The following GIN1 variants were observed in gnomAD, a reference collection of about 807,000 sequenced individuals.
The protein encoded by GIN1 is gypsy retrotransposon integrase-like protein 1.
Under a neutral mutation model 51.4 loss-of-function variants are expected in GIN1, and 41 were observed. The observed-to-expected ratio is 0.80, with a 90% confidence interval of 0.62 to 1.04. The LOEUF is 1.04. Ranked by LOEUF, GIN1 falls within the 50% of genes least tolerant of loss-of-function variation. GIN1 has a pLI of 0.00. For synonymous variants in GIN1, 222 were observed against 206.5 expected (o/e 1.07, Z -0.64); for missense variants, 610 against 612.4 (o/e 1.00, Z 0.04).
At chr5:103,095,948 G>A (rs1472077423) in intron 7 of GIN1, among the ~76,000 whole-genome samples, 1 of 152,004 alleles carries the variant, frequency 6.6e-6, no homozygotes, top group Non-Finnish European at 1.5e-5. Context: ...ACAAAACATT[G>A]AGAAAGCAAA....
intron 4 of GIN1, among the ~76,000 whole-genome samples, chr5:103,098,973 T>A (rs1787488686): frequency 6.6e-6 from 1 of 152,126 alleles, no homozygotes; most frequent in Non-Finnish European, 1.5e-5. Context: ...TAAAATAATA[T>A]TTTTTTCCTA....
At position 103,096,701 on chromosome 5, in the gene GIN1, C is replaced by G. The variant is rs1471094665; in HGVS notation, c.1134G>C (p.Trp378Cys). 2 of 1,613,892 alleles carry G rather than the reference C, an allele frequency of 1.2e-6. No individual in the cohort carries two copies. Among genetic ancestry groups the G allele is most frequent in the African/African-American group, 2.7e-5 (2 of 74,908 alleles). The change falls in exon 7 of 8, where the codon TGG (tryptophan) becomes TGC (cysteine). Residue 378 changes from tryptophan to cysteine, a missense_variant. By Grantham distance (215) the Trp-to-Cys change is radical. Coordinates refer to ENST00000399004, the MANE Select transcript of GIN1 (RefSeq NM_017676.2). ...HEVLRQRKNW[W>C]KDGRFQSEWV... is the part of the protein sequence containing the mutation. ...ATTCAGACTGAAAACGACCATCCTT[C>G]CACCAATTTTTCCTTTGTCTTAAAA...
In GIN1 at chr5:103,096,645, G is replaced by A; in HGVS notation, c.1190C>T (p.Thr397Ile). The change falls in exon 7 of 8, where the codon ACA becomes ATA. Residue 397 changes from threonine (T) to isoleucine (I), a missense_variant. By Grantham distance (89) the Thr-to-Ile change is moderately conservative. Transcript: ENST00000399004. Reference protein sequence around the residue: ...WVGPCVIDYITESGCAVLRDN... With the variant: ...WVGPCVIDYIIESGCAVLRDN... ...TCTCAGGACAGCACATCCACTTTCT[G>A]TAATATAGTCTATGACACAAGGACC... is the stretch of plus-strand genomic sequence containing the variant. 1 of 1,613,476 alleles carries A rather than the reference G, an allele frequency of 6.2e-7. No homozygotes were observed. The highest frequency in any genetic ancestry group is 8.5e-7 in the Non-Finnish European group (1 of 1,179,498).
chr5:103,118,578 A>G (rs1788149971), intron 1 of GIN1, among the ~76,000 whole-genome samples: 1 of 152,214 alleles, frequency 6.6e-6, no homozygotes, highest in East Asian at 1.9e-4. Context: ...ATAACAGTCT[A>G]ATGCAGTTCA....
At position 103,097,400 on chromosome 5, in the gene GIN1, C is replaced by T; in HGVS notation, c.922G>A (p.Asp308Asn). The T allele has an allele frequency of 6.4e-7, 1 of 1,572,162 alleles. No homozygotes were observed. The highest frequency in any genetic ancestry group is 8.8e-7 in the Non-Finnish European group (1 of 1,142,222). The change falls in exon 6 of 8, where the codon GAT (aspartate) becomes AAT (asparagine). Residue 308 changes from aspartate (D) to asparagine (N), a missense_variant. By Grantham distance (23) the Asp-to-Asn change is conservative (BLOSUM62 1). Coordinates refer to ENST00000399004, the MANE Select transcript of GIN1 (RefSeq NM_017676.2). ...TSDSLHEVDG[D>N]NTSMFAKILD... is the part of the protein sequence containing the mutation. The stretch of plus-strand genomic sequence containing the variant: ...ATTTTGGCAAACATACTTGTATTAT[C>T]ACCATCCACTTCATGAAGACTATCT...
At position 103,103,971 on chromosome 5, in the gene GIN1, C is replaced by T. The variant is rs6865554; in HGVS notation, c.639+570G>A. On this transcript the variant is annotated intron_variant, in intron 4 of 7. Coordinates refer to ENST00000399004, the MANE Select transcript of GIN1 (RefSeq NM_017676.2). ...CACCTGGCTAATTTTTTTTTCTTTT[C>T]GAGATGGAGTCTCGCTCTGTCGCTC... is the stretch of plus-strand genomic sequence containing the variant. Among the ~76,000 whole-genome samples the T allele has an allele frequency of 1.4e-3, 216 of 151,374 alleles. 1 individual carries two copies. The highest frequency in any genetic ancestry group is 5.1e-3 in the African/African-American group (210 of 41,298).
At chr5:103,115,804 C>T (rs1032402876) in intron 1 of GIN1, among the ~76,000 whole-genome samples, 1 of 151,990 alleles carries the variant, frequency 6.6e-6, no homozygotes, top group Admixed American at 6.5e-5. Flanking sequence ...AGAAAGACCA[C>T]TGAAAACAAA....
Position 103,106,740 on chromosome 5 carries a change from A to G in GIN1, c.309T>C (p.Ser103=). ...CCCACTGTTTGACATCATTGGTCAC[A>G]GATGTCCAATAATAATTGGATTCTA... ...TLVESNYYWT[S]VTNDVKQWVY... Residue 103 remains serine (S), a synonymous_variant, in exon 3 of 8, where the codon TCT becomes TCC. Coordinates refer to ENST00000399004, the MANE Select transcript of GIN1 (RefSeq NM_017676.2). 3 of 1,591,844 alleles carry G rather than the reference A, an allele frequency of 1.9e-6. No individual in the cohort carries two copies. The highest frequency in any genetic ancestry group is 1.7e-6 in the Non-Finnish European group (2 of 1,166,130).
chr5:103,117,556 G>A (rs893139663), intron 1 of GIN1, among the ~76,000 whole-genome samples: 30 of 101,124 alleles, frequency 3.0e-4, no homozygotes, highest in African/African-American at 7.6e-4. Flanking sequence ...AGGGACATTT[G>A]GTTCTCTATA....
chr5:103,101,021 CTA>C (rs1583120752), intron 4 of GIN1, among the ~76,000 whole-genome samples: 2 of 152,114 alleles, frequency 1.3e-5, no homozygotes, highest in African/African-American at 2.4e-5. Flanking sequence ...CCTATTTATA[CTA>C]TGTTTTCCCC....
intron 1 of GIN1, among the ~76,000 whole-genome samples, chr5:103,117,581 T>TATATACACAC (rs5870042): frequency 1.0e-4 from 15 of 149,484 alleles, no homozygotes; most frequent in Admixed American, 1.3e-4. Context: ...GAAAAAAATA[T>TATATACACAC]ACACACACAC....
At chr5:103,104,049 G>A (rs1164419270) in intron 4 of GIN1, among the ~76,000 whole-genome samples, 1 of 152,080 alleles carries the variant, frequency 6.6e-6, no homozygotes, top group African/African-American at 2.4e-5. Flanking sequence ...TACCTCCCAG[G>A]TTCAAGTGAT....
chr5:103,102,019 C>A (rs540882958), intron 4 of GIN1, among the ~76,000 whole-genome samples: 1 of 152,196 alleles, frequency 6.6e-6, no homozygotes, highest in South Asian at 2.1e-4. Flanking sequence ...GATTACTTTA[C>A]CACATAAATC....
chr5:103,090,861 A>C (rs1460152300), intron 7 of GIN1, among the ~76,000 whole-genome samples: 1 of 151,944 alleles, frequency 6.6e-6, no homozygotes, highest in Admixed American at 6.6e-5. Context: ...ACTTGATTTT[A>C]AGAGAGCTTC....
At chr5:103,117,679 T>C (rs1256897336) in intron 1 of GIN1, among the ~76,000 whole-genome samples, 4 of 152,078 alleles carry the variant, frequency 2.6e-5, no homozygotes, top group African/African-American at 9.7e-5. Flanking sequence ...TCAGAATTTA[T>C]TCCATTGCTA....
rs781974753 is a variant in GIN1 at position 103,088,053 on chromosome 5, C to CT, written c.1413dup (p.Val472SerfsTer3). ...CTTGATGTCAGTAATTCATTATCGA[C>CT]TATACCAATAGTTGCATCTTCCACC... On this transcript the variant is annotated frameshift_variant, in exon 8 of 8. Coordinates refer to ENST00000399004, the MANE Select transcript of GIN1 (RefSeq NM_017676.2). LOFTEE classifies it high-confidence loss of function. 6.2e-7 allele frequency: 1 copy of CT among 1,611,170 alleles called. No individual in the cohort carries two copies.
intron 1 of GIN1, among the ~76,000 whole-genome samples, chr5:103,110,413 A>G (rs1554196812): frequency 6.6e-6 from 1 of 152,132 alleles, no homozygotes; most frequent in Non-Finnish European, 1.5e-5. Flanking sequence ...CAAAAACCCA[A>G]TTCAAAAAAT....
At chr5:103,102,384 A>C (rs1787599247) in intron 4 of GIN1, 1 of 152,154 alleles carries the variant, frequency 6.6e-6, no homozygotes, top group Non-Finnish European at 1.5e-5. Context: ...GAAAACTACC[A>C]GTTTAAGGTA....
intron 3 of GIN1, among the ~76,000 whole-genome samples, chr5:103,105,903 A>G (rs1787710324): frequency 6.6e-6 from 1 of 152,208 alleles, no homozygotes; most frequent in Non-Finnish European, 1.5e-5. Context: ...GAATGTTTGT[A>G]AAAAATGCAC....
Sources: allele counts gnomAD v4.1 joint callset (sites outside exome capture counted in the v4.1 genomes callset), GRCh38; gene constraint gnomAD v4.1.1; transcripts MANE v1.5; gene names NCBI Gene and HGNC (gene_info 2026-07-23, HGNC 2026-07-21).